Variants in AGBL4 observed in about 807,000 individuals in gnomAD.
AGBL4 encodes cytosolic carboxypeptidase 6.
AGBL4 carries 58 observed loss-of-function variants against 66.4 expected under a neutral mutation model. The observed-to-expected ratio is 0.87, with a 90% CI of 0.71 to 1.09. The LOEUF (loss-of-function observed/expected upper bound fraction) is 1.09, where lower values mean the gene tolerates loss of function less well. Among genes scored for constraint, AGBL4 ranks in the 50% least tolerant of loss-of-function variants. The probability of loss-of-function intolerance (pLI) is 0.00; values close to 1 mark genes in which losing one functional copy is unlikely to be tolerated. For missense variants in AGBL4, 579 were observed against 631.0 expected, an observed-to-expected ratio of 0.92 and a Z score of 0.88; for synonymous variants, 234 against 222.9, an observed-to-expected ratio of 1.05 and a Z score of -0.44.
chr1:48,595,213 T>C (rs1644977692), intron 9 of AGBL4, among the ~76,000 whole-genome samples: 1 of 152,204 alleles, frequency 6.6e-6, no homozygotes, highest in African/African-American at 2.4e-5. Context: ...CTACATGAGA[T>C]GATAATCTTT....
chr1:48,646,146 G>C (rs1481308508), intron 8 of AGBL4, among the ~76,000 whole-genome samples: 2 of 152,112 alleles, frequency 1.3e-5, no homozygotes, highest in African/African-American at 4.8e-5. Flanking sequence ...GGAAGGGAGG[G>C]AACAACCTGT....
intron 6 of AGBL4, chr1:48,776,858 C>G (rs1019507900): frequency 2.8e-5 from 39 of 1,379,388 alleles, no homozygotes; most frequent in Admixed American, 5.7e-5. Flanking sequence ...GGGCCCCGGT[C>G]GGGCAGCTCA....
At chr1:49,948,560 TA>T (rs1334516996) in intron 1 of AGBL4, among the ~76,000 whole-genome samples, 5 of 100,820 alleles carry the variant, frequency 5.0e-5, no homozygotes, top group Non-Finnish European at 1.1e-4. Flanking sequence ...TATAAATATA[TA>T]AAAATATATA....
intron 1 of AGBL4, among the ~76,000 whole-genome samples, chr1:49,865,122 A>G (rs979196786): frequency 6.6e-6 from 1 of 152,154 alleles, no homozygotes; most frequent in African/African-American, 2.4e-5. Flanking sequence ...GAATGGAGCC[A>G]CTAAGGAGAG....
chr1:49,847,912 A>G (rs1646196130), intron 2 of AGBL4, among the ~76,000 whole-genome samples: 1 of 152,174 alleles, frequency 6.6e-6, no homozygotes, highest in Admixed American at 6.5e-5. Flanking sequence ...CATGTTAGCT[A>G]GGATGGTCTC....
chr1:48,853,108 A>C (rs1457482271), intron 6 of AGBL4, among the ~76,000 whole-genome samples: 1 of 152,118 alleles, frequency 6.6e-6, no homozygotes, highest in African/African-American at 2.4e-5. Context: ...TGGATTAGTC[A>C]CTCTGAAGGA....
intron 3 of AGBL4, among the ~76,000 whole-genome samples, chr1:49,452,367 C>T (rs1345595128): frequency 1.3e-5 from 2 of 151,840 alleles, no homozygotes; most frequent in Admixed American, 1.3e-4. Flanking sequence ...GTGCTTAAAA[C>T]TCTTTAATAT....
At chr1:49,884,540 A>G (rs1647808697) in intron 1 of AGBL4, among the ~76,000 whole-genome samples, 1 of 151,926 alleles carries the variant, frequency 6.6e-6, no homozygotes, top group Admixed American at 6.6e-5. Context: ...AAAGTAATGT[A>G]AAGTAACACT....
chr1:49,217,137 A>C (rs950558610), intron 4 of AGBL4, among the ~76,000 whole-genome samples: 1 of 152,038 alleles, frequency 6.6e-6, no homozygotes, highest in African/African-American at 2.4e-5. Flanking sequence ...CCATACACAG[A>C]AAACGAAGCA....
At chr1:49,548,340 T>C (rs192127817) in intron 3 of AGBL4, among the ~76,000 whole-genome samples, 1 of 152,322 alleles carries the variant, frequency 6.6e-6, no homozygotes, top group East Asian at 1.9e-4. Flanking sequence ...CAGTGCTATG[T>C]TGAAGAGGAT....
At chr1:48,899,241 G>C (rs1043169956) in intron 5 of AGBL4, among the ~76,000 whole-genome samples, 2 of 152,242 alleles carry the variant, frequency 1.3e-5, no homozygotes, top group African/African-American at 4.8e-5. Context: ...CTGTGCGGGC[G>C]AGGGCCTATA....
At chr1:49,249,016 G>C (rs1422381671) in intron 3 of AGBL4, among the ~76,000 whole-genome samples, 1 of 152,082 alleles carries the variant, frequency 6.6e-6, no homozygotes, top group Admixed American at 6.6e-5. Context: ...TGACCAAGGG[G>C]CTCATGGTGC....
chr1:49,394,512 C>T (rs754648604), intron 3 of AGBL4, among the ~76,000 whole-genome samples: 2 of 151,950 alleles, frequency 1.3e-5, no homozygotes, highest in Non-Finnish European at 2.9e-5. Flanking sequence ...ATCACTGTTG[C>T]CTCATATTTC....
chr1:49,607,272 C>T (rs146129612), intron 3 of AGBL4, among the ~76,000 whole-genome samples: 12 of 152,242 alleles, frequency 7.9e-5, no homozygotes, highest in Non-Finnish European at 1.6e-4. Flanking sequence ...TTTGGCTAAA[C>T]TGCTAGTTTA....
chr1:49,286,163 G>A (rs1034751694), intron 3 of AGBL4, among the ~76,000 whole-genome samples: 3 of 152,184 alleles, frequency 2.0e-5, no homozygotes, highest in South Asian at 4.1e-4. Context: ...ATTCAACAAC[G>A]CTTCATGCTA....
At chr1:48,728,007 T>C in intron 6 of AGBL4, 8 of 1,612,184 alleles carry the variant, frequency 5.0e-6, no homozygotes, top group South Asian at 1.1e-5. Flanking sequence ...TTCAGTTTCA[T>C]CCACAGTTTC....
At chr1:49,459,054 CCTTTT>C (rs1054178228) in intron 3 of AGBL4, among the ~76,000 whole-genome samples, 2 of 150,884 alleles carry the variant, frequency 1.3e-5, no homozygotes, top group Non-Finnish European at 3.0e-5. Context: ...CTCTTTCTTT[CCTTTT>C]CTTTTATTTC....
At chr1:48,777,003 A>T (rs1645133107) in intron 6 of AGBL4, 1 of 172,464 alleles carries the variant, frequency 5.8e-6, no homozygotes, top group Non-Finnish European at 1.2e-5. Flanking sequence ...CCGTTCTGCC[A>T]ATCGGCTGCT....
At chr1:49,920,361 A>G (rs1652084280) in intron 1 of AGBL4, among the ~76,000 whole-genome samples, 1 of 152,256 alleles carries the variant, frequency 6.6e-6, no homozygotes, top group South Asian at 2.1e-4. Context: ...GCTAATATCC[A>G]GAATCTATAA....
Sources: allele counts gnomAD v4.1 joint callset (sites outside exome capture counted in the v4.1 genomes callset), GRCh38; gene constraint gnomAD v4.1.1; transcripts MANE v1.5; gene names NCBI Gene and HGNC (gene_info 2026-07-23, HGNC 2026-07-21).